The following PTPRT variants were observed in gnomAD, a reference collection of about 807,000 sequenced individuals.
The protein encoded by PTPRT is protein tyrosine phosphatase receptor type T, also known as receptor-type tyrosine-protein phosphatase T.
A neutral mutation model predicts 176.8 loss-of-function variants in PTPRT; 56 were observed. The ratio of observed to expected loss-of-function variants is 0.32; its 90% CI spans 0.26 to 0.40. The LOEUF (loss-of-function observed/expected upper bound fraction) is 0.40, where lower values mean the gene tolerates loss of function less well. Ranked by LOEUF, PTPRT falls within the 10% of genes least tolerant of loss-of-function variation. The pLI, the probability that PTPRT is intolerant of heterozygous loss-of-function variation, is 1.00. For synonymous variants in PTPRT, 783 were observed against 739.0 expected, an observed-to-expected ratio of 1.06 and a Z score of -0.96; for missense variants, 1,540 against 1,908.2, an observed-to-expected ratio of 0.81 and a Z score of 3.60.
intron 1 of PTPRT, among the ~76,000 whole-genome samples, chr20:43,070,267 A>G (rs1396482950): frequency 1.3e-5 from 2 of 152,154 alleles, no homozygotes; most frequent in Non-Finnish European, 2.9e-5. Context: ...AATCAAAACC[A>G]CAATGAGATA....
chr20:42,984,582 C>T (rs899102220), intron 1 of PTPRT, among the ~76,000 whole-genome samples: 2 of 152,212 alleles, frequency 1.3e-5, no homozygotes, highest in African/African-American at 4.8e-5. Context: ...CAGCTCACTC[C>T]ACCATCATGC....
chr20:43,079,535 G>A (rs564035340), intron 1 of PTPRT, among the ~76,000 whole-genome samples: 3 of 152,058 alleles, frequency 2.0e-5, no homozygotes, highest in Admixed American at 6.5e-5. Context: ...CCATAAACAT[G>A]GTATATCTCT....
chr20:42,179,939 G>A (rs1335073766), intron 16 of PTPRT, among the ~76,000 whole-genome samples: 1 of 152,192 alleles, frequency 6.6e-6, no homozygotes, highest in African/African-American at 2.4e-5. Flanking sequence ...AGAAATCAAT[G>A]CTAGATCATC....
intron 7 of PTPRT, among the ~76,000 whole-genome samples, chr20:42,661,277 C>A (rs534634682): frequency 1.3e-5 from 2 of 152,196 alleles, no homozygotes; most frequent in South Asian, 4.2e-4. Flanking sequence ...TCACACAAAA[C>A]TTTTCTGTAA....
At chr20:42,802,982 G>C (rs555913000) in intron 2 of PTPRT, among the ~76,000 whole-genome samples, 68 of 152,302 alleles carry the variant, frequency 4.5e-4, no homozygotes, top group African/African-American at 1.6e-3. Context: ...AATAGTACCT[G>C]ACATGTTGAG....
intron 6 of PTPRT, among the ~76,000 whole-genome samples, chr20:42,748,960 A>G (rs1274477249): frequency 6.6e-6 from 1 of 152,196 alleles, no homozygotes; most frequent in East Asian, 1.9e-4. Flanking sequence ...CTAAAACCAA[A>G]TAAGCACCTT....
intron 1 of PTPRT, among the ~76,000 whole-genome samples, chr20:42,945,292 C>T (rs1026076360): frequency 6.6e-6 from 1 of 151,992 alleles, no homozygotes; most frequent in South Asian, 2.1e-4. Context: ...AAATAAATTG[C>T]CCAAAGGCAC....
At chr20:42,411,539 A>G (rs1163588677) in intron 9 of PTPRT, among the ~76,000 whole-genome samples, 1 of 143,724 alleles carries the variant, frequency 7.0e-6, no homozygotes, top group Non-Finnish European at 1.5e-5. Flanking sequence ...AAAAAAAAAA[A>G]AGAAAAAAGA....
chr20:42,921,649 C>A (rs1979150882), intron 1 of PTPRT, among the ~76,000 whole-genome samples: 1 of 152,196 alleles, frequency 6.6e-6, no homozygotes, highest in East Asian at 1.9e-4. Context: ...CATACATGTT[C>A]ACTATCTCTT....
chr20:42,350,860 G>A, intron 10 of PTPRT, 130 bp from the exon 11 acceptor site: 2 of 690,866 alleles, frequency 2.9e-6, no homozygotes, highest in Non-Finnish European at 5.0e-6. Context: ...GGTTGGATAA[G>A]AAGCCTTCCA....
chr20:42,049,200 T>G, the PTPRT span, among the ~76,000 whole-genome samples: 4 of 152,358 alleles, frequency 2.6e-5, no homozygotes, highest in African/African-American at 9.6e-5. Context: ...TTTAACTCCT[T>G]TGACTCAAAT....
chr20:42,706,552 TG>T (rs1459149924), intron 6 of PTPRT, among the ~76,000 whole-genome samples: 2 of 152,158 alleles, frequency 1.3e-5, no homozygotes, highest in Non-Finnish European at 2.9e-5. Context: ...GTAAAACATA[TG>T]GGCACATAGG....
rs2074093449 is a variant in PTPRT at position 42,616,998 on chromosome 20, G to A, written c.1153+60868C>T. Among the ~76,000 whole-genome samples, 3 of 134,814 alleles carry A rather than the reference G, an allele frequency of 2.2e-5. No individual in the cohort carries two copies. The South Asian group carries it at 7.0e-4, about 32-fold the overall frequency. 88.4% of individuals were successfully genotyped at this position (134,814 alleles called of 152,430 possible). A position where few individuals can be genotyped will look rare whatever the true frequency, so the allele number is the denominator to read the frequency against. On this transcript the variant is annotated intron_variant, in intron 7 of 30. Coordinates refer to ENST00000373187, the MANE Select transcript of PTPRT (RefSeq NM_007050.6). ...ATGTTGAATAGGAGTGGTGAGAGAGGGCATCCCTGTCTTGTGCCAGTTTTC... is the reference window on the plus strand; with the variant it reads ...ATGTTGAATAGGAGTGGTGAGAGAGAGCATCCCTGTCTTGTGCCAGTTTTC...
At chr20:42,542,104 T>C (rs1423825022) in intron 7 of PTPRT, among the ~76,000 whole-genome samples, 1 of 152,194 alleles carries the variant, frequency 6.6e-6, no homozygotes, top group Admixed American at 6.5e-5. Context: ...TGCCACAAGG[T>C]AAGTTGTGTC....
rs540641524 is a variant in PTPRT, at chr20:42,265,455, A to G, written c.2177-16633T>C. On this transcript the variant is annotated intron_variant, in intron 13 of 30. Transcript: ENST00000373187. ...AATGATGTGAAACTCAGCACATTCCATAGCATGTAGGAAGTATGTAACATA... is the reference window on the plus strand; with the variant it reads ...AATGATGTGAAACTCAGCACATTCCGTAGCATGTAGGAAGTATGTAACATA... Among the ~76,000 whole-genome samples the G allele has an allele frequency of 3.3e-5, 5 of 152,330 alleles. No individual in the cohort carries two copies. The East Asian group carries it at 9.6e-4, about 29-fold the overall frequency.
At chr20:42,648,599 T>A (rs560880107) in intron 7 of PTPRT, among the ~76,000 whole-genome samples, 14 of 152,202 alleles carry the variant, frequency 9.2e-5, no homozygotes, top group Non-Finnish European at 1.3e-4. Context: ...ATTCCATGCC[T>A]GTGCTGAGGC....
chr20:42,521,149 C>T (rs990465580), intron 7 of PTPRT, among the ~76,000 whole-genome samples: 1 of 152,040 alleles, frequency 6.6e-6, no homozygotes, highest in Non-Finnish European at 1.5e-5. Flanking sequence ...ACCTGTCTAT[C>T]CATTCTGATA....
chr20:43,031,404 G>T (rs1279873120), intron 1 of PTPRT, among the ~76,000 whole-genome samples: 1 of 152,194 alleles, frequency 6.6e-6, no homozygotes, highest in African/African-American at 2.4e-5. Flanking sequence ...TTGAGGCAGA[G>T]AGCAAGCCCT....
At chr20:42,056,144 G>C in the PTPRT span, among the ~76,000 whole-genome samples, 3 of 152,080 alleles carry the variant, frequency 2.0e-5, no homozygotes, top group Admixed American at 2.0e-4. Flanking sequence ...AGATTAGTTT[G>C]ACCTGAGATG....
Sources: allele counts gnomAD v4.1 joint callset (sites outside exome capture counted in the v4.1 genomes callset), GRCh38; gene constraint gnomAD v4.1.1; transcripts MANE v1.5; gene names NCBI Gene and HGNC (gene_info 2026-07-23, HGNC 2026-07-21).